Variants in FAT1 observed in about 807,000 individuals in gnomAD.
The protein encoded by FAT1 is FAT atypical cadherin 1.
Under a neutral mutation model 329.8 loss-of-function variants are expected in FAT1, and 171 were observed. The observed-to-expected ratio is 0.52, with a 90% confidence interval of 0.46 to 0.59. The LOEUF is 0.59. Among genes scored for constraint, FAT1 ranks in the 20% least tolerant of loss-of-function variants. The pLI, the probability that FAT1 is intolerant of heterozygous loss-of-function variation, is 0.00. For missense variants in FAT1, 5,672 were observed against 5,774.4 expected, an observed-to-expected ratio of 0.98 and a Z score of 0.57; for synonymous variants, 2,233 against 2,228.6, an observed-to-expected ratio of 1.00 and a Z score of -0.06.
intron 13 of FAT1, among the ~76,000 whole-genome samples, chr4:186,612,071 A>T (rs1012781056): frequency 1.8e-4 from 27 of 150,532 alleles, no homozygotes; most frequent in African/African-American, 6.6e-4. Context: ...GGCCTCCCAA[A>T]GTGCCAGGAT....
intron 3 of FAT1, among the ~76,000 whole-genome samples, chr4:186,643,098 A>C (rs1363638464): frequency 6.6e-6 from 1 of 152,178 alleles, no homozygotes; most frequent in Admixed American, 6.5e-5. Flanking sequence ...GTGGAATTTA[A>C]ATTAATTAAA....
chr4:186,625,361 T>TA lies in FAT1; in HGVS notation c.4810+2792dup, dbSNP rs144228597. Among the ~76,000 whole-genome samples the TA allele has an allele frequency of 2.9e-3, 446 of 152,348 alleles. 2 individuals carry two copies. The highest frequency in any genetic ancestry group is 0.01 in the African/African-American group (423 of 41,586). On this transcript the variant is annotated intron_variant, in intron 9 of 26. Coordinates refer to ENST00000441802, the MANE Select transcript of FAT1 (RefSeq NM_005245.4). Reference sequence around the variant, plus strand: ...TTTAACACTGCAATCACAGGCAGTGTATGAGATCTTATTTGTGACTAATGA... The same window carrying TA: ...TTTAACACTGCAATCACAGGCAGTGTAATGAGATCTTATTTGTGACTAATGA...
intron 2 of FAT1, among the ~76,000 whole-genome samples, chr4:186,683,099 G>A (rs936078349): frequency 3.9e-5 from 6 of 152,114 alleles, no homozygotes; most frequent in African/African-American, 1.4e-4. Context: ...ACAAGCTTGT[G>A]TTTCAGGGCT....
At chr4:186,644,400 AG>A (rs1232202761) in intron 3 of FAT1, among the ~76,000 whole-genome samples, 2 of 152,220 alleles carry the variant, frequency 1.3e-5, no homozygotes, top group Non-Finnish European at 1.5e-5. Flanking sequence ...AAAAATAGAA[AG>A]GAAGAAAAAC....
At chr4:186,609,426 T>C (rs1400140763) in intron 15 of FAT1, 106 bp from the exon 16 acceptor site, 1 of 1,348,374 alleles carries the variant, frequency 7.4e-7, no homozygotes, top group Non-Finnish European at 9.9e-7. Context: ...TTGTTGTTGT[T>C]TTTTTTTTGA....
chr4:186,702,072 C>T (rs760709677), intron 2 of FAT1, among the ~76,000 whole-genome samples: 3 of 151,942 alleles, frequency 2.0e-5, no homozygotes, highest in Non-Finnish European at 2.9e-5. Flanking sequence ...GGCCAGGAGC[C>T]GACCTCCACA....
chr4:186,643,112 C>T (rs1741176929), intron 3 of FAT1, among the ~76,000 whole-genome samples: 2 of 152,142 alleles, frequency 1.3e-5, no homozygotes, highest in African/African-American at 4.8e-5. Context: ...AATTAAAATT[C>T]AGTAAAGTTT....
intron 4 of FAT1, among the ~76,000 whole-genome samples, chr4:186,637,279 T>A (rs981858907): frequency 5.3e-5 from 8 of 152,234 alleles, no homozygotes; most frequent in Admixed American, 4.6e-4. Context: ...TACGTGAAGA[T>A]TCTGCTTTAC....
At position 186,706,747 on chromosome 4, in the gene FAT1, C is replaced by G. The variant is rs1744629543; in HGVS notation, c.3081G>C (p.Glu1027Asp). The G allele has an allele frequency of 2.5e-6, 4 of 1,613,974 alleles. No homozygotes were observed. The highest frequency in any genetic ancestry group is 3.4e-6 in the Non-Finnish European group (4 of 1,179,886). Reference protein sequence around the residue: ...YVEVEVVDVNENLHPPVFSSF... With the variant: ...YVEVEVVDVNDNLHPPVFSSF... ...TGGAAAACACGGGTGGGTGCAGGTT[C>G]TCATTCACATCAACCACCTCAACTT... Residue 1027 changes from glutamate to aspartate, a missense_variant, in exon 2 of 27, where the codon GAG (glutamate) becomes GAC (aspartate). By Grantham distance (45) the Glu-to-Asp change is conservative (BLOSUM62 2). Around this residue, in one of 2 missense-constraint regions of FAT1, gnomAD observed 3,966 missense variants for 3,915.2 expected, o/e 1.01. Coordinates refer to ENST00000441802, the MANE Select transcript of FAT1 (RefSeq NM_005245.4).
At position 186,707,618 on chromosome 4, in the gene FAT1, A is replaced by C; in HGVS notation, c.2210T>G (p.Ile737Ser). Reference sequence around the variant, plus strand: ...GTCAAGGTCAGTGGAGTTCATGAAAATTACACTGGAACCCACAGGCTGGTT... The same window carrying C: ...GTCAAGGTCAGTGGAGTTCATGAAACTTACACTGGAACCCACAGGCTGGTT... ...KENQPVGSSV[I>S]FMNSTDLDTG... Residue 737 changes from isoleucine (I) to serine (S), a missense_variant, in exon 2 of 27, where the codon ATT (isoleucine) becomes AGT (serine). Physicochemically the swap from Ile to Ser is moderately radical, Grantham distance 142. This residue lies in a region of FAT1 where 3,966 missense variants were observed against 3,915.2 expected (regional missense o/e 1.01). Transcript: ENST00000441802. 6.2e-7 allele frequency: 1 copy of C among 1,613,990 alleles called. No individual in the cohort carries two copies. The highest frequency in any genetic ancestry group is 2.2e-5 in the East Asian group (1 of 44,874).
At chr4:186,664,352 C>T (rs1447650168) in intron 2 of FAT1, among the ~76,000 whole-genome samples, 1 of 152,152 alleles carries the variant, frequency 6.6e-6, no homozygotes, top group Non-Finnish European at 1.5e-5. Flanking sequence ...ACTATAAACT[C>T]CAAAAGGGCA....
Position 186,597,807 on chromosome 4 carries a change from G to A in FAT1, c.12258-15C>T, listed in dbSNP as rs1738603898. 6.2e-7 allele frequency: 1 copy of A among 1,605,660 alleles called. No homozygotes were observed. The highest frequency in any genetic ancestry group is 8.5e-7 in the Non-Finnish European group (1 of 1,172,520). ...TAAGCTGACACCTGAAGAGTAAGGA[G>A]AAACAGACATAAACCTCATGATCCT... On this transcript the variant is annotated splice_polypyrimidine_tract_variant and intron_variant, in intron 23 of 26. Coordinates refer to ENST00000441802, the MANE Select transcript of FAT1 (RefSeq NM_005245.4).
Position 186,603,383 on chromosome 4 carries a change from T to C in FAT1, c.11143A>G (p.Ile3715Val). 2 of 1,614,016 alleles carry C rather than the reference T, an allele frequency of 1.2e-6. No homozygotes were observed. Among genetic ancestry groups the C allele is most frequent in the Non-Finnish European group, 1.7e-6 (2 of 1,179,896 alleles). Residue 3715 changes from isoleucine (I) to valine (V), a missense_variant, in exon 19 of 27, where the codon ATT becomes GTT. Transcript: ENST00000441802. ...QISTKQLLHK[I>V]NSSVTDIEEI... The stretch of plus-strand genomic sequence containing the variant: ...TCAATGTCAGTCACGGAAGAGTTAA[T>C]CTTGTGCAGAAGTTGTTTTGTTGAG...
intron 21 of FAT1, among the ~76,000 whole-genome samples, chr4:186,600,762 G>A (rs1215951267): frequency 6.6e-6 from 1 of 152,246 alleles, no homozygotes. Context: ...CCAGGCTGGA[G>A]TGCAGTGGCG....
intron 6 of FAT1, among the ~76,000 whole-genome samples, 177 bp downstream of exon 6, chr4:186,635,848 A>T (rs1339968624): frequency 2.0e-5 from 3 of 152,212 alleles, no homozygotes; most frequent in African/African-American, 4.8e-5. Context: ...AGTTTAACAT[A>T]TGCTATATAT....
At chr4:186,594,680 A>ATATATATATATATATACTTGAAAG (rs1738414892) in intron 26 of FAT1, among the ~76,000 whole-genome samples, 1 of 95,406 alleles carries the variant, frequency 1.0e-5, no homozygotes, top group African/African-American at 3.7e-5. Context: ...TTGAAAGTAT[A>ATATATATATATATATACTTGAAAG]TATATATATA....
rs564857943 is a variant in FAT1, at chr4:186,589,008, A to G, written c.13351T>C (p.Leu4451=). The G allele has an allele frequency of 6.2e-6, 10 of 1,613,974 alleles. No homozygotes were observed. In the East Asian group the frequency reaches 8.9e-5, roughly 14 times the overall value. Reference sequence around the variant, plus strand: ...AACTGATTGCTGAATTCGGGCGGTAACGGTGGTAGCTCATCAGCTGCGGGG... The same window carrying G: ...AACTGATTGCTGAATTCGGGCGGTAGCGGTGGTAGCTCATCAGCTGCGGGG... ...DFPAADELPP[L]PPEFSNQFES... Residue 4451 remains leucine, a synonymous_variant, in exon 27 of 27, where the codon TTA becomes CTA. Transcript: ENST00000441802.
rs1560975764 is a variant in FAT1 at position 186,663,347 on chromosome 4, T to C, written c.3532A>G (p.Ile1178Val). 6.2e-7 allele frequency: 1 copy of C among 1,614,046 alleles called. No individual in the cohort carries two copies. The change falls in exon 3 of 27, where the codon ATT becomes GTT. Residue 1178 changes from isoleucine (I) to valine (V), a missense_variant. Ile to Val is a conservative substitution (Grantham distance 29). Coordinates refer to ENST00000441802, the MANE Select transcript of FAT1 (RefSeq NM_005245.4). ...AATCCTTGTGGATTTCCACTTGTAA[T>C]TTTGTACATGAGCTTGTCATTAGAG... ...SSSNDKLMYK[I>V]TSGNPQGFFS...
rs985061273 is a variant in FAT1, at chr4:186,709,783, G to A, written c.45C>T (p.Phe15=). 1.2e-6 allele frequency: 2 copies of A among 1,611,176 alleles called. No individual in the cohort carries two copies. The highest frequency in any genetic ancestry group is 1.7e-5 in the Admixed American group (1 of 59,606). ...LALLLLLLLL[F]QHFGDSDGSQ... is the part of the protein sequence containing the mutation. Reference sequence around the variant, plus strand: ...TGCCATCACTGTCTCCAAAATGTTGGAAGAGAAGGAGCAGAAGCAGGAGCA... The same window carrying A: ...TGCCATCACTGTCTCCAAAATGTTGAAAGAGAAGGAGCAGAAGCAGGAGCA... Residue 15 remains phenylalanine, a synonymous_variant, in exon 2 of 27, where the codon TTC becomes TTT. Coordinates refer to ENST00000441802, the MANE Select transcript of FAT1 (RefSeq NM_005245.4).
Sources: gnomAD v4.1 joint callset for allele counts (sites outside exome capture counted in the v4.1 genomes callset) on GRCh38, gnomAD v4.1.1 for gene constraint, gnomAD v4.1.1 regional missense constraint, MANE v1.5 for transcripts, NCBI Gene and HGNC (gene_info 2026-07-23, HGNC 2026-07-21) for gene names.